ATF7IP: variants seen among roughly 807,000 people sequenced by gnomAD.
ATF7IP encodes activating transcription factor 7 interacting protein.
In ATF7IP, 23 loss-of-function variants were observed where a neutral mutation model predicts 106.4. The observed-to-expected ratio is 0.22, with a 90% confidence interval of 0.16 to 0.31. The LOEUF (loss-of-function observed/expected upper bound fraction) is 0.31, where lower values mean the gene tolerates loss of function less well. Among genes scored for constraint, ATF7IP ranks in the 10% least tolerant of loss-of-function variants. The pLI, the probability that ATF7IP is intolerant of heterozygous loss-of-function variation, is 1.00. For synonymous variants in ATF7IP, 542 were observed against 539.0 expected (o/e 1.01, Z -0.08); for missense variants, 1,334 against 1,524.3 (o/e 0.88, Z 2.08).
chr12:14,474,484 T>A (rs1944182045), intron 10 of ATF7IP, among the ~76,000 whole-genome samples: 1 of 151,826 alleles, frequency 6.6e-6, no homozygotes, highest in African/African-American at 2.4e-5. Flanking sequence ...CACTGCAACG[T>A]CCGCCTCCCA....
chr12:14,474,304 T>C (rs1352448642), intron 10 of ATF7IP, among the ~76,000 whole-genome samples: 1 of 151,836 alleles, frequency 6.6e-6, no homozygotes, highest in Admixed American at 6.6e-5. Flanking sequence ...ATTTTAGTAA[T>C]TATTTTTTCA....
chr12:14,471,787 G>A (rs1364883336), intron 10 of ATF7IP, among the ~76,000 whole-genome samples: 1 of 151,838 alleles, frequency 6.6e-6, no homozygotes, highest in Non-Finnish European at 1.5e-5. Flanking sequence ...CTCCCACCCA[G>A]TCCCTCCCAC....
chr12:14,473,288 C>CTGTA (rs796814505), intron 10 of ATF7IP, among the ~76,000 whole-genome samples: 7,994 of 140,354 alleles, frequency 0.057, 445 homozygotes, highest in African/African-American at 0.12. Flanking sequence ...CTCTCTCTCT[C>CTGTA]TCTGTGTGTG....
intron 13 of ATF7IP, among the ~76,000 whole-genome samples, chr12:14,484,892 T>C (rs769185120): frequency 6.6e-6 from 1 of 152,172 alleles, no homozygotes; most frequent in Non-Finnish European, 1.5e-5. Context: ...CAGTTCATGA[T>C]AGTCATCTCA....
chr12:14,502,238 G>A lies in ATF7IP; in HGVS notation c.*4165G>A, dbSNP rs1945178658. The A allele has an allele frequency of 6.6e-6, 1 of 152,084 alleles. No individual in the cohort carries two copies. The highest frequency in any genetic ancestry group is 2.1e-4 in the South Asian group (1 of 4,826). 9.4% of individuals were successfully genotyped at this position (152,084 alleles called of 1,614,324 possible). A position where few individuals can be genotyped will look rare whatever the true frequency, so the allele number is the denominator to read the frequency against. On this transcript the variant is annotated 3_prime_UTR_variant, in exon 15 of 15. Coordinates refer to ENST00000261168, the MANE Select transcript of ATF7IP (RefSeq NM_018179.5). ...CTACCTTCCTTACTATTTTTACTGG[G>A]CAAATGCCCTATTTTTTTAATTATT...
At chr12:14,486,385 G>C (rs1291191729) in intron 13 of ATF7IP, among the ~76,000 whole-genome samples, 1 of 152,142 alleles carries the variant, frequency 6.6e-6, no homozygotes, top group Non-Finnish European at 1.5e-5. Flanking sequence ...TCTCCTTGGG[G>C]AAGGATGGGA....
intron 1 of ATF7IP, chr12:14,385,383 C>T (rs1939174375): frequency 6.5e-7 from 1 of 1,533,984 alleles, no homozygotes; most frequent in Non-Finnish European, 8.7e-7. Flanking sequence ...AGACTTGTCA[C>T]ATGCATCAGG....
intron 1 of ATF7IP, chr12:14,384,995 T>C (rs1939155082): frequency 5.8e-6 from 1 of 171,374 alleles, no homozygotes; most frequent in Admixed American, 6.3e-5. Flanking sequence ...TCCATCTCTG[T>C]AACTGCTAAT....
intron 2 of ATF7IP, among the ~76,000 whole-genome samples, chr12:14,430,402 G>A (rs1942058131): frequency 6.6e-6 from 1 of 152,142 alleles, no homozygotes. Flanking sequence ...GGAAGAATTG[G>A]AGATAATACA....
chr12:14,384,806 C>A (rs1364919558), intron 1 of ATF7IP, among the ~76,000 whole-genome samples: 1 of 145,104 alleles, frequency 6.9e-6, no homozygotes. Context: ...AAGTCATTTT[C>A]AGGATTTAAA....
intron 1 of ATF7IP, among the ~76,000 whole-genome samples, chr12:14,391,450 AG>A (rs1939545098): frequency 6.6e-6 from 1 of 152,324 alleles, no homozygotes; most frequent in South Asian, 2.1e-4. Flanking sequence ...GGAAAACATT[AG>A]TATAGAAGTT....
chr12:14,470,981 A>C (rs1944021142), intron 10 of ATF7IP, among the ~76,000 whole-genome samples: 1 of 152,140 alleles, frequency 6.6e-6, no homozygotes, highest in Non-Finnish European at 1.5e-5. Context: ...TGCATTCCAT[A>C]AATTTTCATG....
intron 1 of ATF7IP, among the ~76,000 whole-genome samples, chr12:14,396,679 G>T (rs1939862215): frequency 6.6e-6 from 1 of 152,066 alleles, no homozygotes; most frequent in Admixed American, 6.6e-5. Flanking sequence ...ATTGGTTAGG[G>T]GAATGCTGGG....
intron 1 of ATF7IP, among the ~76,000 whole-genome samples, chr12:14,376,998 G>A (rs1321408798): frequency 2.0e-5 from 3 of 151,906 alleles, no homozygotes; most frequent in Admixed American, 6.6e-5. Context: ...TTATTTATTT[G>A]TTTGTTTGTT....
chr12:14,428,107 G>T (rs1941950561), intron 2 of ATF7IP, among the ~76,000 whole-genome samples: 1 of 151,868 alleles, frequency 6.6e-6, no homozygotes, highest in African/African-American at 2.4e-5. Context: ...GTGGCACTAG[G>T]CCAAGTCCAT....
Position 14,424,656 on chromosome 12 carries a change from T to C in ATF7IP, c.741T>C (p.Thr247=). The change falls in exon 2 of 15, where the codon ACT becomes ACC. Residue 247 remains threonine (T), a synonymous_variant. Coordinates refer to ENST00000261168, the MANE Select transcript of ATF7IP (RefSeq NM_018179.5). The part of the protein sequence containing the change: ...VDLASGAPAS[T]DPASDDLASG... The stretch of plus-strand genomic sequence containing the variant: ...TGGCTTCTGGAGCACCAGCTTCCAC[T>C]GATCCAGCCTCTGATGATCTGGCCT... The C allele has an allele frequency of 6.2e-7, 1 of 1,613,906 alleles. No individual in the cohort carries two copies. The highest frequency in any genetic ancestry group is 8.5e-7 in the Non-Finnish European group (1 of 1,179,942).
chr12:14,451,955 T>C (rs886727825), intron 6 of ATF7IP, among the ~76,000 whole-genome samples: 32 of 152,310 alleles, frequency 2.1e-4, no homozygotes, highest in Middle Eastern at 6.8e-3. Context: ...AAGTGGGGTA[T>C]TGAAGTTTCC....
chr12:14,429,562 G>C (rs1204380773), intron 2 of ATF7IP, among the ~76,000 whole-genome samples: 1 of 151,954 alleles, frequency 6.6e-6, no homozygotes, highest in Non-Finnish European at 1.5e-5. Flanking sequence ...TTGTTCATTG[G>C]ATCTTTAAGG....
chr12:14,440,255 A>G (rs558363672), intron 5 of ATF7IP, among the ~76,000 whole-genome samples: 5 of 152,306 alleles, frequency 3.3e-5, no homozygotes, highest in Non-Finnish European at 7.3e-5. Context: ...TGATTATAGT[A>G]ACACCTTTTA....
Sources: gnomAD v4.1 joint callset for allele counts (sites outside exome capture counted in the v4.1 genomes callset) on GRCh38, gnomAD v4.1.1 for gene constraint, MANE v1.5 for transcripts, NCBI Gene and HGNC (gene_info 2026-07-23, HGNC 2026-07-21) for gene names.